The following PLCH1 variants were observed in gnomAD, a reference collection of about 807,000 sequenced individuals.
PLCH1 encodes the protein 1-phosphatidylinositol 4,5-bisphosphate phosphodiesterase eta-1.
Under a neutral mutation model 126.7 loss-of-function variants are expected in PLCH1, and 60 were observed. The observed-to-expected ratio is 0.47, with a 90% confidence interval of 0.38 to 0.59. The LOEUF (loss-of-function observed/expected upper bound fraction) is 0.59, where lower values mean the gene tolerates loss of function less well. Among genes scored for constraint, PLCH1 ranks in the 20% least tolerant of loss-of-function variants. The pLI is 0.00. For missense variants in PLCH1, 1,723 were observed against 2,040.0 expected (o/e 0.84, Z 2.99); for synonymous variants, 719 against 734.9 (o/e 0.98, Z 0.35).
At position 155,593,943 on chromosome 3, in the gene PLCH1, G is replaced by T; in HGVS notation, c.468C>A (p.Asp156Glu). The T allele has an allele frequency of 6.2e-7, 1 of 1,614,024 alleles. No homozygotes were observed. The highest frequency in any genetic ancestry group is 8.5e-7 in the Non-Finnish European group (1 of 1,179,950). The change falls in exon 4 of 23, where the codon GAC (aspartate) becomes GAA (glutamate). Residue 156 changes from aspartate (D) to glutamate (E), a missense_variant and splice_region_variant. Transcript: ENST00000460012. ...DSLAKRQRTH[D>E]QWVKQTFEEA... ...AAATAAAGTTCTAGAAAGGATATTG[G>T]TCATGGGTCCTCTGCCTTTTGGCAA...
chr3:155,516,188 T>C (rs954340004), intron 11 of PLCH1, among the ~76,000 whole-genome samples: 1 of 152,164 alleles, frequency 6.6e-6, no homozygotes, highest in Admixed American at 6.5e-5. Flanking sequence ...CACCCTCCTG[T>C]CATGCTAGAA....
intron 2 of PLCH1, among the ~76,000 whole-genome samples, chr3:155,660,445 G>T (rs182412701): frequency 2.7e-4 from 41 of 152,306 alleles, no homozygotes. Flanking sequence ...ACACAATAAA[G>T]ACTTTTTGGT....
intron 2 of PLCH1, among the ~76,000 whole-genome samples, chr3:155,667,195 G>T (rs1020592066): frequency 6.6e-6 from 1 of 151,986 alleles, no homozygotes; most frequent in African/African-American, 2.4e-5. Flanking sequence ...TAGAACTTTC[G>T]CTTGTCTTTT....
At chr3:155,715,037 A>G (rs1747406507) in intron 1 of PLCH1, among the ~76,000 whole-genome samples, 1 of 151,856 alleles carries the variant, frequency 6.6e-6, no homozygotes. Context: ...CAGGCTTTCT[A>G]TTTTTTCTAA....
intron 2 of PLCH1, among the ~76,000 whole-genome samples, chr3:155,628,766 G>C (rs11719394): frequency 3.3e-4 from 50 of 152,088 alleles, no homozygotes; most frequent in Non-Finnish European, 5.9e-4. Flanking sequence ...GAAAGGAAAT[G>C]GTATTTAAAG....
chr3:155,693,701 G>C (rs1745584168), intron 2 of PLCH1, among the ~76,000 whole-genome samples: 1 of 152,144 alleles, frequency 6.6e-6, no homozygotes, highest in African/African-American at 2.4e-5. Flanking sequence ...AGGCCAAGGA[G>C]GGTGGATCAC....
At chr3:155,642,740 ATGATTTTTC>A (rs1307500386) in intron 2 of PLCH1, among the ~76,000 whole-genome samples, 1 of 152,204 alleles carries the variant, frequency 6.6e-6, no homozygotes, top group Non-Finnish European at 1.5e-5. Flanking sequence ...GATTTAGGCT[ATGATTTTTC>A]TGATTTTTCT....
At chr3:155,500,484 G>A (rs1717730652) in intron 14 of PLCH1, among the ~76,000 whole-genome samples, 1 of 152,168 alleles carries the variant, frequency 6.6e-6, no homozygotes, top group South Asian at 2.1e-4. Flanking sequence ...GACAACTGCT[G>A]CAGCTAACAT....
intron 10 of PLCH1, 70 bp from the exon 11 acceptor site, chr3:155,524,074 C>T (rs1387978305): frequency 8.9e-6 from 8 of 897,100 alleles, no homozygotes; most frequent in Non-Finnish European, 1.3e-5. Flanking sequence ...TGGAAGTAAC[C>T]CAAGCATCCA....
chr3:155,689,193 C>T (rs1745185951), intron 2 of PLCH1, among the ~76,000 whole-genome samples: 1 of 152,138 alleles, frequency 6.6e-6, no homozygotes, highest in Non-Finnish European at 1.5e-5. Context: ...AAAATTCTTC[C>T]AGATCTTATC....
intron 2 of PLCH1, among the ~76,000 whole-genome samples, chr3:155,669,442 G>A (rs9829178): frequency 0.16 from 24,402 of 152,078 alleles, 2,431 homozygotes; most frequent in African/African-American, 0.28. Flanking sequence ...GCCAGACATG[G>A]TGGCATGCAC....
At chr3:155,639,735 T>G (rs1739177100) in intron 2 of PLCH1, among the ~76,000 whole-genome samples, 1 of 152,212 alleles carries the variant, frequency 6.6e-6, no homozygotes, top group Admixed American at 6.5e-5. Flanking sequence ...AAATAGAACC[T>G]TGATATGGTT....
At chr3:155,503,775 T>G (rs1441109077) in intron 13 of PLCH1, among the ~76,000 whole-genome samples, 1 of 152,208 alleles carries the variant, frequency 6.6e-6, no homozygotes, top group African/African-American at 2.4e-5. Context: ...TGACCTCAGG[T>G]GATCCACCCA....
intron 9 of PLCH1, among the ~76,000 whole-genome samples, chr3:155,551,547 T>C (rs1025630347): frequency 6.7e-6 from 1 of 148,268 alleles, no homozygotes; most frequent in African/African-American, 2.5e-5. Context: ...AGGCAATTAT[T>C]CCCCCCAGTA....
chr3:155,486,740 G>A (rs866481306), intron 21 of PLCH1, among the ~76,000 whole-genome samples: 8 of 151,828 alleles, frequency 5.3e-5, no homozygotes, highest in African/African-American at 1.9e-4. Flanking sequence ...TAGCCAGGAT[G>A]GTCTCGATCT....
intron 2 of PLCH1, among the ~76,000 whole-genome samples, chr3:155,667,661 C>T (rs1742879835): frequency 1.3e-5 from 2 of 152,106 alleles, no homozygotes; most frequent in East Asian, 3.9e-4. Context: ...TTAATCTTAA[C>T]CTGCTGTTAA....
At chr3:155,597,449 C>G (rs971460665) in intron 2 of PLCH1, among the ~76,000 whole-genome samples, 5 of 152,128 alleles carry the variant, frequency 3.3e-5, no homozygotes, top group African/African-American at 1.2e-4. Context: ...ATTATATCAA[C>G]CAGAAATAGC....
intron 2 of PLCH1, among the ~76,000 whole-genome samples, chr3:155,691,214 T>C (rs1577325995): frequency 6.6e-6 from 1 of 152,208 alleles, no homozygotes; most frequent in Non-Finnish European, 1.5e-5. Context: ...TTGTGGCAAA[T>C]TGTGATTTCT....
chr3:155,584,294 T>C (rs906195318), intron 5 of PLCH1, among the ~76,000 whole-genome samples: 2 of 152,240 alleles, frequency 1.3e-5, no homozygotes, highest in Admixed American at 6.5e-5. Context: ...CAGTCTCTCA[T>C]TGGTTTCTGA....
Sources: allele counts gnomAD v4.1 joint callset (sites outside exome capture counted in the v4.1 genomes callset), GRCh38; gene constraint gnomAD v4.1.1; transcripts MANE v1.5; gene names NCBI Gene and HGNC (gene_info 2026-07-23, HGNC 2026-07-21).